The following KIAA1328 variants were observed in gnomAD, a reference collection of about 807,000 sequenced individuals.
KIAA1328 encodes the protein protein hinderin.
KIAA1328 carries 52 observed loss-of-function variants against 68.1 expected under a neutral mutation model. The ratio of observed to expected loss-of-function variants is 0.76; its 90% CI spans 0.61 to 0.96. KIAA1328 has a LOEUF of 0.96. KIAA1328 is among the 40% of genes least tolerant of loss of function. KIAA1328 has a pLI of 0.00. For synonymous variants in KIAA1328, 232 were observed against 239.4 expected (o/e 0.97, Z 0.28); for missense variants, 641 against 677.6 (o/e 0.95, Z 0.60).
At chr18:37,001,248 A>G (rs972017619) in intron 6 of KIAA1328, among the ~76,000 whole-genome samples, 2 of 152,146 alleles carry the variant, frequency 1.3e-5, no homozygotes, top group African/African-American at 2.4e-5. Context: ...TAATAACTAT[A>G]TGCTGAAAAA....
chr18:37,225,324 T>C lies in KIAA1328; in HGVS notation c.*3097T>C, dbSNP rs1311899333. 7.1e-6 allele frequency: 7 copies of C among 984,980 alleles called. No individual in the cohort carries two copies. In the African/African-American group the frequency reaches 1.0e-4, roughly 15 times the overall value. 61.0% of individuals were successfully genotyped at this position (984,980 alleles called of 1,614,324 possible). A position where few individuals can be genotyped will look rare whatever the true frequency, so the allele number is the denominator to read the frequency against. On this transcript the variant is annotated 3_prime_UTR_variant, in exon 10 of 10. Coordinates refer to ENST00000280020, the MANE Select transcript of KIAA1328 (RefSeq NM_020776.3). ...CAAGTTAATAAATCATCTCTATGGCTATTTTCCCCATGTGGGTTTGATATT... is the reference window on the plus strand; with the variant it reads ...CAAGTTAATAAATCATCTCTATGGCCATTTTCCCCATGTGGGTTTGATATT...
intron 5 of KIAA1328, among the ~76,000 whole-genome samples, chr18:36,909,758 A>C (rs1021160727): frequency 6.6e-6 from 1 of 152,180 alleles, no homozygotes; most frequent in South Asian, 2.1e-4. Context: ...CCAACAGTGT[A>C]AAAGTGTTCC....
chr18:37,225,056 G>A lies in KIAA1328; in HGVS notation c.*2829G>A. ...TCTAGAGCACCCCAAATGTCATGGG[G>A]AGAGAGGGACTCTTTCTGCTCCCTC... On this transcript the variant is annotated 3_prime_UTR_variant, in exon 10 of 10. Coordinates refer to ENST00000280020, the MANE Select transcript of KIAA1328 (RefSeq NM_020776.3). The A allele has an allele frequency of 2.0e-6, 2 of 985,408 alleles. No individual in the cohort carries two copies. The highest frequency in any genetic ancestry group is 2.4e-6 in the Non-Finnish European group (2 of 829,932). The allele number at this position is 985,408 out of a possible 1,614,324, so 61.0% of individuals were successfully genotyped here.
chr18:37,165,152 T>A lies in KIAA1328; in HGVS notation c.1414+4771T>A, dbSNP rs114515143. 7.0e-3 allele frequency among the ~76,000 whole-genome samples: 1,067 copies of A among 152,162 alleles called. 17 individuals carry two copies. Among genetic ancestry groups the A allele is most frequent in the African/African-American group, 0.024 (987 of 41,508 alleles). ...TCCAACTTAACTACCTCTTTAAAGGTCTTGTCTCCAAATATCGTCATATTC... is the reference window on the plus strand; with the variant it reads ...TCCAACTTAACTACCTCTTTAAAGGACTTGTCTCCAAATATCGTCATATTC... On this transcript the variant is annotated intron_variant, in intron 8 of 9. Coordinates refer to ENST00000280020, the MANE Select transcript of KIAA1328 (RefSeq NM_020776.3).
intron 7 of KIAA1328, among the ~76,000 whole-genome samples, chr18:37,136,112 G>T (rs538948905): frequency 4.6e-5 from 7 of 152,206 alleles, no homozygotes; most frequent in Middle Eastern, 3.4e-3. Flanking sequence ...TTGCATCCTT[G>T]TACCACACTT....
intron 3 of KIAA1328, among the ~76,000 whole-genome samples, chr18:36,840,002 T>C (rs2046806643): frequency 6.6e-6 from 1 of 152,188 alleles, no homozygotes; most frequent in Admixed American, 6.5e-5. Context: ...AGCTCTCCTA[T>C]GCAGCTCTAT....
intron 6 of KIAA1328, among the ~76,000 whole-genome samples, chr18:37,014,828 A>C (rs2054095403): frequency 6.6e-6 from 1 of 152,240 alleles, no homozygotes; most frequent in Admixed American, 6.5e-5. Context: ...AAACCGTATC[A>C]AATTCAGATC....
intron 5 of KIAA1328, among the ~76,000 whole-genome samples, chr18:36,951,788 T>C (rs564821220): frequency 7.6e-4 from 116 of 152,318 alleles, no homozygotes; most frequent in Admixed American, 1.5e-3. Context: ...TTGCCTTAAA[T>C]GTCCCTTTTT....
chr18:37,033,265 C>A (rs559400566), intron 6 of KIAA1328, among the ~76,000 whole-genome samples: 1 of 152,070 alleles, frequency 6.6e-6, no homozygotes, highest in Admixed American at 6.6e-5. Context: ...AGGTGTTTTT[C>A]TGTTGACTTA....
intron 6 of KIAA1328, among the ~76,000 whole-genome samples, chr18:36,980,426 C>T (rs891035433): frequency 9.2e-5 from 14 of 152,054 alleles, no homozygotes; most frequent in African/African-American, 2.9e-4. Context: ...TTTGGGGACA[C>T]GCAACAGCTC....
At chr18:36,862,513 TC>T (rs1300175523) in intron 4 of KIAA1328, among the ~76,000 whole-genome samples, 5 of 152,154 alleles carry the variant, frequency 3.3e-5, no homozygotes, top group Non-Finnish European at 5.9e-5. Context: ...TTAGGTCCAT[TC>T]ATGTTGTTGC....
chr18:36,962,473 A>G (rs909670827), intron 6 of KIAA1328, among the ~76,000 whole-genome samples: 2 of 152,208 alleles, frequency 1.3e-5, no homozygotes, highest in Non-Finnish European at 2.9e-5. Flanking sequence ...AGGCGGACCT[A>G]ATAGACATCT....
At chr18:37,031,397 T>C (rs1440937597) in intron 6 of KIAA1328, among the ~76,000 whole-genome samples, 1 of 152,206 alleles carries the variant, frequency 6.6e-6, no homozygotes, top group Non-Finnish European at 1.5e-5. Context: ...GCATTAACTT[T>C]TCTTATCACT....
intron 5 of KIAA1328, among the ~76,000 whole-genome samples, chr18:36,945,136 G>A (rs2050853793): frequency 1.3e-5 from 2 of 152,106 alleles, no homozygotes; most frequent in African/African-American, 4.8e-5. Context: ...TATTAAAATA[G>A]TAAAGTAAAA....
chr18:37,143,925 T>C (rs1467104010), intron 7 of KIAA1328, among the ~76,000 whole-genome samples: 1 of 152,132 alleles, frequency 6.6e-6, no homozygotes, highest in Admixed American at 6.5e-5. Context: ...ATAACTTAGG[T>C]ATTACACAGT....
At chr18:36,997,514 G>A (rs960035646) in intron 6 of KIAA1328, among the ~76,000 whole-genome samples, 1 of 152,162 alleles carries the variant, frequency 6.6e-6, no homozygotes, top group Non-Finnish European at 1.5e-5. Flanking sequence ...CTAACACAGG[G>A]AGCTGCCAGT....
chr18:36,970,482 A>G (rs1164940108), intron 6 of KIAA1328, among the ~76,000 whole-genome samples: 1 of 150,496 alleles, frequency 6.6e-6, no homozygotes, highest in African/African-American at 2.4e-5. Context: ...AAAGAAATAA[A>G]TGGTATCCAT....
intron 6 of KIAA1328, among the ~76,000 whole-genome samples, chr18:37,038,247 CA>C (rs2055106813): frequency 6.6e-6 from 1 of 152,132 alleles, no homozygotes; most frequent in South Asian, 2.1e-4. Context: ...CTTGATTTTT[CA>C]GGCTGCTTTT....
intron 7 of KIAA1328, among the ~76,000 whole-genome samples, chr18:37,079,698 GC>G: frequency 6.6e-6 from 1 of 151,724 alleles, no homozygotes; most frequent in South Asian, 2.1e-4. Flanking sequence ...GACCAGCCTG[GC>G]CAACATGGTG....
Sources: gnomAD v4.1 joint callset for allele counts (sites outside exome capture counted in the v4.1 genomes callset) on GRCh38, gnomAD v4.1.1 for gene constraint, MANE v1.5 for transcripts, NCBI Gene and HGNC (gene_info 2026-07-23, HGNC 2026-07-21) for gene names.